Variants in RORA observed in about 807,000 individuals in gnomAD.
RORA encodes RAR related orphan receptor A.
Under a neutral mutation model 69.5 loss-of-function variants are expected in RORA, and 7 were observed. That is an observed-to-expected ratio of 0.10 (90% CI 0.06 to 0.19). The LOEUF (loss-of-function observed/expected upper bound fraction) is 0.19, where lower values mean the gene tolerates loss of function less well. RORA is among the 10% of genes least tolerant of loss of function. RORA has a pLI of 1.00. For missense variants in RORA, 457 were observed against 663.0 expected (o/e 0.69, Z 3.41); for synonymous variants, 261 against 240.8 (o/e 1.08, Z -0.78).
intron 1 of RORA, among the ~76,000 whole-genome samples, chr15:60,810,606 A>C (rs751729554): frequency 6.6e-6 from 1 of 151,818 alleles, no homozygotes; most frequent in Admixed American, 6.6e-5. Flanking sequence ...ACAGCTCATT[A>C]TTATTTTTGA....
intron 3 of RORA, among the ~76,000 whole-genome samples, chr15:60,526,017 TA>T (rs1267232172): frequency 6.6e-6 from 1 of 151,908 alleles, no homozygotes; most frequent in African/African-American, 2.4e-5. Context: ...ATTATAAAAT[TA>T]AAGTTGGGTG....
At chr15:60,560,441 C>A (rs1272784172) in intron 2 of RORA, among the ~76,000 whole-genome samples, 9 of 152,100 alleles carry the variant, frequency 5.9e-5, no homozygotes, top group South Asian at 2.1e-4. Flanking sequence ...TGTCTGTAAT[C>A]CCAGCACTTT....
At chr15:60,560,519 C>A (rs371700232) in intron 2 of RORA, among the ~76,000 whole-genome samples, 3 of 152,162 alleles carry the variant, frequency 2.0e-5, no homozygotes, top group South Asian at 2.1e-4. Context: ...TATAGTGAGA[C>A]CCTGCCTCAA....
intron 1 of RORA, among the ~76,000 whole-genome samples, chr15:60,813,384 G>C (rs969771610): frequency 1.3e-5 from 2 of 152,184 alleles, no homozygotes; most frequent in Non-Finnish European, 2.9e-5. Context: ...GTGCATGACG[G>C]GCTGTGTTTG....
chr15:61,102,992 C>T (rs539141834), intron 1 of RORA, among the ~76,000 whole-genome samples: 2 of 152,262 alleles, frequency 1.3e-5, no homozygotes, highest in African/African-American at 2.4e-5. Context: ...TAAAGATAGA[C>T]AAAAATTATT....
At chr15:61,095,259 T>C (rs2140729585) in intron 1 of RORA, among the ~76,000 whole-genome samples, 1 of 152,280 alleles carries the variant, frequency 6.6e-6, no homozygotes, top group Non-Finnish European at 1.5e-5. Flanking sequence ...GAAGGGTATA[T>C]GCCGAGATGA....
intron 1 of RORA, among the ~76,000 whole-genome samples, chr15:61,149,350 C>T (rs2079378353): frequency 6.6e-6 from 1 of 152,182 alleles, no homozygotes. Flanking sequence ...GAAACCTCAT[C>T]TTGAAATCTG....
intron 1 of RORA, among the ~76,000 whole-genome samples, chr15:60,721,809 G>T (rs1595659124): frequency 6.6e-6 from 1 of 152,358 alleles, no homozygotes; most frequent in East Asian, 1.9e-4. Flanking sequence ...TTTGAGCAAA[G>T]ATTATTTCTG....
At chr15:60,586,455 G>GGTGTGTGTGTGTGT (rs146340386) in intron 2 of RORA, among the ~76,000 whole-genome samples, 14 of 150,288 alleles carry the variant, frequency 9.3e-5, no homozygotes, top group African/African-American at 3.4e-4. Flanking sequence ...GTATTAGAGG[G>GGTGTGTGTGTGTGT]GTGTGTGTGT....
chr15:60,739,570 C>CA (rs34191182), intron 1 of RORA, among the ~76,000 whole-genome samples: 12,063 of 141,040 alleles, frequency 0.086, 639 homozygotes, highest in South Asian at 0.17. Context: ...GACCTTGTCG[C>CA]AAAAAAAAAA....
intron 2 of RORA, among the ~76,000 whole-genome samples, chr15:60,614,660 G>A (rs367762932): frequency 6.6e-6 from 1 of 152,150 alleles, no homozygotes; most frequent in South Asian, 2.1e-4. Flanking sequence ...GAAAGAACAA[G>A]GTCTTCAGGG....
In RORA at chr15:60,490,332, A is replaced by C. The variant is rs1373596372; in HGVS notation, c.*7123T>G. 1 of 152,164 alleles carries C rather than the reference A, an allele frequency of 6.6e-6. No homozygotes were observed. The allele number at this position is 152,164 out of a possible 1,614,324, so 9.4% of individuals were successfully genotyped here. A position where few individuals can be genotyped will look rare whatever the true frequency, so the allele number is the denominator to read the frequency against. On this transcript the variant is annotated 3_prime_UTR_variant, in exon 11 of 11. Coordinates refer to ENST00000335670, the MANE Select transcript of RORA (RefSeq NM_134261.3). The surrounding 1 kb of genome is among the most constrained non-coding windows in gnomAD (Gnocchi z 4.1). ...AAAATAGCACACTCTAGTTCTAAAC[A>C]GCTATGTCTAAAATAGATTATATAG...
intron 1 of RORA, among the ~76,000 whole-genome samples, chr15:60,896,759 T>C (rs1473697849): frequency 6.9e-6 from 1 of 143,990 alleles, no homozygotes; most frequent in Non-Finnish European, 1.5e-5. Flanking sequence ...TTTGGCTGCA[T>C]AGCCAAGGGA....
intron 1 of RORA, among the ~76,000 whole-genome samples, chr15:61,170,995 G>GT (rs1160468639): frequency 2.0e-5 from 3 of 152,230 alleles, no homozygotes; most frequent in Non-Finnish European, 4.4e-5. Context: ...GGTGACGACA[G>GT]TAAGACTTAG....
intron 3 of RORA, chr15:60,529,238 T>A (rs983133688): frequency 3.9e-5 from 6 of 152,240 alleles, no homozygotes; most frequent in African/African-American, 1.4e-4. Context: ...TGTGAAATTT[T>A]TCTTATGTTT....
At chr15:60,817,908 C>A (rs62004362) in intron 1 of RORA, among the ~76,000 whole-genome samples, 28,643 of 152,256 alleles carry the variant, frequency 0.19, 3,295 homozygotes, top group Non-Finnish European at 0.25. Flanking sequence ...TGAATGAATA[C>A]AAGGATACAG....
intron 8 of RORA, among the ~76,000 whole-genome samples, chr15:60,501,374 A>G (rs2065326771): frequency 6.6e-6 from 1 of 152,208 alleles, no homozygotes; most frequent in African/African-American, 2.4e-5. Flanking sequence ...TTGTGTGACT[A>G]CTGTGGCAAG....
intron 1 of RORA, among the ~76,000 whole-genome samples, chr15:61,152,606 A>G (rs2079407069): frequency 6.6e-6 from 1 of 152,096 alleles, no homozygotes; most frequent in Admixed American, 6.6e-5. Flanking sequence ...TTGTGTGCTA[A>G]GTACCATTCT....
chr15:61,168,102 ATG>A (rs2079553367), intron 1 of RORA, among the ~76,000 whole-genome samples: 1 of 150,918 alleles, frequency 6.6e-6, no homozygotes, highest in African/African-American at 2.4e-5. Flanking sequence ...AAAACTTGTA[ATG>A]TATATATATA....
Sources: allele counts gnomAD v4.1 joint callset (sites outside exome capture counted in the v4.1 genomes callset), GRCh38; gene constraint gnomAD v4.1.1; non-coding constraint Gnocchi (gnomAD v3.1); transcripts MANE v1.5; gene names NCBI Gene and HGNC (gene_info 2026-07-23, HGNC 2026-07-21).